XRCC4: variants seen among roughly 807,000 people sequenced by gnomAD.
The protein encoded by XRCC4 is DNA repair protein XRCC4.
A neutral mutation model predicts 39.1 loss-of-function variants in XRCC4; 28 were observed. The ratio of observed to expected loss-of-function variants is 0.72; its 90% CI spans 0.53 to 0.98. The LOEUF is 0.98. Ranked by LOEUF, XRCC4 falls within the 50% of genes least tolerant of loss-of-function variation. The probability of loss-of-function intolerance (pLI) is 0.00; values close to 1 mark genes in which losing one functional copy is unlikely to be tolerated. For missense variants in XRCC4, 350 were observed against 376.4 expected (o/e 0.93, Z 0.58); for synonymous variants, 123 against 126.4 (o/e 0.97, Z 0.18).
chr5:83,260,843 C>A (rs912141341), intron 7 of XRCC4, among the ~76,000 whole-genome samples: 2 of 151,916 alleles, frequency 1.3e-5, no homozygotes, highest in Non-Finnish European at 2.9e-5. Flanking sequence ...GCTTTGGTAA[C>A]GGTCTGCTAA....
intron 3 of XRCC4, among the ~76,000 whole-genome samples, chr5:83,169,490 A>G (rs1484451219): frequency 6.6e-6 from 1 of 152,194 alleles, no homozygotes; most frequent in African/African-American, 2.4e-5. Context: ...CTGAAAGATT[A>G]AACAAAAAGC....
the XRCC4 span, among the ~76,000 whole-genome samples, chr5:83,362,665 T>G: frequency 2.6e-5 from 4 of 152,340 alleles, no homozygotes; most frequent in African/African-American, 9.6e-5. Flanking sequence ...GGTTTAAGTT[T>G]TCTGTTATTG....
intron 3 of XRCC4, among the ~76,000 whole-genome samples, chr5:83,173,084 C>T (rs1277971104): frequency 6.6e-6 from 1 of 152,068 alleles, no homozygotes; most frequent in Non-Finnish European, 1.5e-5. Context: ...ATGAAAAAAA[C>T]ATGAATAAAA....
chr5:83,084,902 CA>C (rs1745111287), intron 1 of XRCC4, among the ~76,000 whole-genome samples: 1 of 152,032 alleles, frequency 6.6e-6, no homozygotes. Flanking sequence ...TTAAGACTAA[CA>C]AAAAAGGAAA....
At chr5:83,125,552 C>T (rs191232044) in intron 3 of XRCC4, among the ~76,000 whole-genome samples, 112 of 152,248 alleles carry the variant, frequency 7.4e-4, no homozygotes, top group Non-Finnish European at 1.3e-3. Context: ...CATTAAATTG[C>T]TTTTGCATCT....
chr5:83,345,770 C>T (rs572840718), intron 7 of XRCC4, among the ~76,000 whole-genome samples: 3 of 152,210 alleles, frequency 2.0e-5, no homozygotes, highest in African/African-American at 2.4e-5. Flanking sequence ...AGATAAATAT[C>T]ATTTTAAGGA....
At chr5:83,295,967 C>A (rs1394504110) in intron 7 of XRCC4, among the ~76,000 whole-genome samples, 1 of 151,958 alleles carries the variant, frequency 6.6e-6, no homozygotes, top group African/African-American at 2.4e-5. Flanking sequence ...TTTAGAGGAC[C>A]AGTTAGGAGG....
intron 3 of XRCC4, among the ~76,000 whole-genome samples, chr5:83,133,918 C>T (rs1747739448): frequency 6.6e-6 from 1 of 152,208 alleles, no homozygotes; most frequent in South Asian, 2.1e-4. Context: ...AAGGCTGGAG[C>T]TGGCTCCCTC....
the XRCC4 span, among the ~76,000 whole-genome samples, chr5:83,362,320 T>TAAA: frequency 8.6e-6 from 1 of 116,916 alleles, no homozygotes; most frequent in East Asian, 3.7e-4. Context: ...AAAAAAAAAC[T>TAAA]ATCTCATTGT....
intron 3 of XRCC4, among the ~76,000 whole-genome samples, chr5:83,152,480 A>G (rs540616069): frequency 7.0e-4 from 106 of 152,210 alleles, no homozygotes; most frequent in African/African-American, 2.5e-3. Context: ...TAAAAATACA[A>G]AAATTAGCTG....
intron 7 of XRCC4, among the ~76,000 whole-genome samples, chr5:83,283,725 C>T (rs1754632742): frequency 6.6e-6 from 1 of 152,038 alleles, no homozygotes; most frequent in Non-Finnish European, 1.5e-5. Context: ...TTCCATGTGC[C>T]CCACCTTCCT....
chr5:83,096,835 GCTTTGCAGTGAGTAATGGC>G (rs1237559887), intron 1 of XRCC4, among the ~76,000 whole-genome samples: 3 of 152,138 alleles, frequency 2.0e-5, no homozygotes, highest in Non-Finnish European at 1.5e-5. Context: ...ATAACAATCT[GCTTTGCAGTGAGTAATGGC>G]TACCACCTTT....
chr5:83,297,790 C>T (rs953067955), intron 7 of XRCC4, among the ~76,000 whole-genome samples: 4 of 151,692 alleles, frequency 2.6e-5, no homozygotes, highest in African/African-American at 4.8e-5. Flanking sequence ...TTTTCATGCA[C>T]GCTTCAAGTT....
chr5:83,178,933 C>T (rs903956134), intron 3 of XRCC4, among the ~76,000 whole-genome samples: 2 of 152,120 alleles, frequency 1.3e-5, no homozygotes, highest in African/African-American at 2.4e-5. Flanking sequence ...ATGTGGTACT[C>T]CTGCCCAAAG....
intron 7 of XRCC4, among the ~76,000 whole-genome samples, chr5:83,347,619 G>A (rs988654262): frequency 6.6e-6 from 1 of 152,140 alleles, no homozygotes; most frequent in Non-Finnish European, 1.5e-5. Flanking sequence ...CAACATTGGG[G>A]ATTACACTTC....
At chr5:83,178,203 T>C (rs1750047342) in intron 3 of XRCC4, among the ~76,000 whole-genome samples, 1 of 152,146 alleles carries the variant, frequency 6.6e-6, no homozygotes, top group Non-Finnish European at 1.5e-5. Context: ...TGGATGCGTT[T>C]AGTTTTCGAT....
rs1014288907 is a variant in XRCC4 at position 83,316,047 on chromosome 5, G to T, written c.894-37084G>T. On this transcript the variant is annotated intron_variant, in intron 7 of 7. Coordinates refer to ENST00000396027, the MANE Select transcript of XRCC4 (RefSeq NM_003401.5). ...TAAGAACATTCATGATTCATGGGAG[G>T]TGGTAAAATTATCAACATTAACAGG... Among the ~76,000 whole-genome samples the T allele has an allele frequency of 2.0e-5, 3 of 146,390 alleles. No homozygotes were observed. In the East Asian group the frequency reaches 5.8e-4, roughly 28 times the overall value.
At chr5:83,295,420 A>G (rs1367540322) in intron 7 of XRCC4, among the ~76,000 whole-genome samples, 2 of 152,118 alleles carry the variant, frequency 1.3e-5, no homozygotes, top group South Asian at 2.1e-4. Flanking sequence ...ATGTTAGGGG[A>G]AAAACTTTAT....
intron 7 of XRCC4, among the ~76,000 whole-genome samples, chr5:83,278,667 C>A (rs1440697691): frequency 1.3e-5 from 2 of 152,012 alleles, no homozygotes; most frequent in African/African-American, 4.8e-5. Flanking sequence ...GTTACTACTT[C>A]AGTCCTTATG....
Sources: gnomAD v4.1 joint callset for allele counts (sites outside exome capture counted in the v4.1 genomes callset) on GRCh38, gnomAD v4.1.1 for gene constraint, MANE v1.5 for transcripts, NCBI Gene and HGNC (gene_info 2026-07-23, HGNC 2026-07-21) for gene names.